FRMD4A: variants seen among roughly 807,000 people sequenced by gnomAD.
FRMD4A encodes FERM domain-containing protein 4A.
Under a neutral mutation model 129.1 loss-of-function variants are expected in FRMD4A, and 29 were observed. The observed-to-expected ratio is 0.22, with a 90% CI of 0.17 to 0.31. The LOEUF (loss-of-function observed/expected upper bound fraction) is 0.31, where lower values mean the gene tolerates loss of function less well. FRMD4A is among the 10% of genes least tolerant of loss of function. The probability of loss-of-function intolerance (pLI) is 1.00; values close to 1 mark genes in which losing one functional copy is unlikely to be tolerated. For synonymous variants in FRMD4A, 634 were observed against 571.6 expected (o/e 1.11, Z -1.56); for missense variants, 1,272 against 1,375.8 (o/e 0.92, Z 1.19).
chr10:14,290,086 A>G (rs1242927482), intron 2 of FRMD4A, among the ~76,000 whole-genome samples: 1 of 152,108 alleles, frequency 6.6e-6, no homozygotes, highest in Non-Finnish European at 1.5e-5. Flanking sequence ...ACTACAAATC[A>G]AGATACAGGT....
chr10:13,646,925 G>C lies in FRMD4A; in HGVS notation c.*113C>G. The C allele has an allele frequency of 1.1e-6, 1 of 914,264 alleles. No individual in the cohort carries two copies. The highest frequency in any genetic ancestry group is 1.8e-5 in the African/African-American group (1 of 55,966). 56.6% of individuals were successfully genotyped at this position (914,264 alleles called of 1,614,324 possible). A position where few individuals can be genotyped will look rare whatever the true frequency, so the allele number is the denominator to read the frequency against. ...GGCGTTGAGGCGGTCAGATTAGGCC[G>C]GGCTGGCTCACACGAGGGTCCCGGG... On this transcript the variant is annotated 3_prime_UTR_variant, in exon 25 of 25. Coordinates refer to ENST00000357447, the MANE Select transcript of FRMD4A (RefSeq NM_018027.5).
At chr10:13,839,450 T>G (rs1454937810) in intron 3 of FRMD4A, among the ~76,000 whole-genome samples, 2 of 152,256 alleles carry the variant, frequency 1.3e-5, no homozygotes, top group African/African-American at 4.8e-5. Context: ...ACAGGATTCC[T>G]GCCATAAAAC....
intron 5 of FRMD4A, among the ~76,000 whole-genome samples, chr10:13,790,963 T>C (rs1463379691): frequency 6.6e-6 from 1 of 151,806 alleles, no homozygotes; most frequent in Non-Finnish European, 1.5e-5. Flanking sequence ...AGAAGCTCTG[T>C]GAGGTGACAG....
At chr10:13,774,918 C>A (rs1178908588) in intron 6 of FRMD4A, among the ~76,000 whole-genome samples, 2 of 146,040 alleles carry the variant, frequency 1.4e-5, no homozygotes, top group African/African-American at 5.1e-5. Flanking sequence ...ATTAAAAAAT[C>A]AGATAATATA....
At chr10:14,330,254 C>T in intron 1 of FRMD4A, 71 bp from the exon 2 acceptor site, 1 of 714,108 alleles carries the variant, frequency 1.4e-6, no homozygotes, top group Non-Finnish European at 2.5e-6. Context: ...CCACCTTTCA[C>T]ACAGGGTGGG....
At chr10:14,285,188 A>G (rs565123432) in intron 2 of FRMD4A, among the ~76,000 whole-genome samples, 1 of 152,334 alleles carries the variant, frequency 6.6e-6, no homozygotes, top group African/African-American at 2.4e-5. Flanking sequence ...TCCCAGCGTG[A>G]TAAGAGTGAG....
chr10:14,015,806 T>G, intron 2 of FRMD4A, among the ~76,000 whole-genome samples: 1 of 152,228 alleles, frequency 6.6e-6, no homozygotes, highest in East Asian at 1.9e-4. Context: ...GGCACTATTC[T>G]AAAGTTTTAA....
intron 12 of FRMD4A, among the ~76,000 whole-genome samples, chr10:13,730,388 C>G (rs1375679055): frequency 6.6e-6 from 1 of 152,186 alleles, no homozygotes; most frequent in African/African-American, 2.4e-5. Flanking sequence ...CTTGCTTGTA[C>G]CAGCACAACT....
chr10:13,890,930 T>TA, intron 2 of FRMD4A: 1 of 901,768 alleles, frequency 1.1e-6, no homozygotes, highest in Non-Finnish European at 1.3e-6. Flanking sequence ...GCTAACAGGG[T>TA]ACTGGAGAAA....
At chr10:14,234,675 A>T (rs972916277) in intron 2 of FRMD4A, among the ~76,000 whole-genome samples, 8 of 152,256 alleles carry the variant, frequency 5.3e-5, no homozygotes, top group African/African-American at 1.9e-4. Flanking sequence ...TTCTACAAAC[A>T]GAACCTGATA....
intron 2 of FRMD4A, among the ~76,000 whole-genome samples, chr10:14,080,399 G>C (rs1366190953): frequency 6.6e-6 from 1 of 152,108 alleles, no homozygotes; most frequent in Non-Finnish European, 1.5e-5. Flanking sequence ...CCTGAACAAG[G>C]GGTTAATGTA....
At chr10:13,954,553 G>A (rs777926707) in intron 2 of FRMD4A, among the ~76,000 whole-genome samples, 2 of 152,118 alleles carry the variant, frequency 1.3e-5, no homozygotes, top group Non-Finnish European at 2.9e-5. Context: ...GATTTGGGTG[G>A]GGACACAGCC....
intron 2 of FRMD4A, among the ~76,000 whole-genome samples, chr10:14,274,438 A>G (rs938789370): frequency 6.6e-6 from 1 of 152,178 alleles, no homozygotes; most frequent in Non-Finnish European, 1.5e-5. Context: ...CCACTCTGCC[A>G]CTTCACTAGT....
chr10:14,196,344 G>T (rs1349175754), intron 2 of FRMD4A, among the ~76,000 whole-genome samples: 1 of 152,158 alleles, frequency 6.6e-6, no homozygotes, highest in African/African-American at 2.4e-5. Context: ...TCTCTGCCAG[G>T]CTGACCTTCA....
chr10:14,107,607 C>A (rs1428148698), intron 2 of FRMD4A, among the ~76,000 whole-genome samples: 1 of 152,054 alleles, frequency 6.6e-6, no homozygotes. Context: ...ACCAGTTAAC[C>A]ATTCTGTGTT....
At chr10:14,294,669 G>T (rs940849566) in intron 2 of FRMD4A, among the ~76,000 whole-genome samples, 1 of 152,182 alleles carries the variant, frequency 6.6e-6, no homozygotes, top group Non-Finnish European at 1.5e-5. Flanking sequence ...TCTGCATTGC[G>T]TTAACCTGCT....
chr10:13,964,457 C>T (rs1390417546), intron 2 of FRMD4A, among the ~76,000 whole-genome samples: 5 of 40,940 alleles, frequency 1.2e-4, no homozygotes, highest in East Asian at 6.2e-4. Context: ...CCAGGAGTGG[C>T]GTGGAGCTGG....
intron 17 of FRMD4A, 85 bp downstream of exon 17, chr10:13,670,321 T>C (rs2083410818): frequency 1.4e-6 from 2 of 1,403,906 alleles, no homozygotes; most frequent in Non-Finnish European, 2.0e-6. Flanking sequence ...AATGAAGAAA[T>C]TGGTACAGAA....
chr10:13,779,749 A>G (rs1434957496), intron 6 of FRMD4A, among the ~76,000 whole-genome samples: 1 of 151,606 alleles, frequency 6.6e-6, no homozygotes, highest in Non-Finnish European at 1.5e-5. Flanking sequence ...TTGGCCTCCA[A>G]ATTAATTACC....
Sources: allele counts gnomAD v4.1 joint callset (sites outside exome capture counted in the v4.1 genomes callset), GRCh38; gene constraint gnomAD v4.1.1; transcripts MANE v1.5; gene names NCBI Gene and HGNC (gene_info 2026-07-23, HGNC 2026-07-21).